TTLL5: variants seen among roughly 807,000 people sequenced by gnomAD.
TTLL5 encodes tubulin polyglutamylase TTLL5.
TTLL5 carries 132 observed loss-of-function variants against 168.4 expected under a neutral mutation model. The observed-to-expected ratio is 0.78, with a 90% confidence interval of 0.68 to 0.91. The LOEUF (loss-of-function observed/expected upper bound fraction) is 0.91. Among genes scored for constraint, TTLL5 ranks in the 40% least tolerant of loss-of-function variants. The pLI is 0.00. For synonymous variants in TTLL5, 546 were observed against 558.6 expected (o/e 0.98, Z 0.32); for missense variants, 1,545 against 1,581.5 (o/e 0.98, Z 0.39).
rs79964116 is a variant in TTLL5 at position 75,788,880 on chromosome 14, A to C, written c.2987-4036A>C. On this transcript the variant is annotated intron_variant, in intron 26 of 31. Transcript: ENST00000298832. The stretch of plus-strand genomic sequence containing the variant: ...AAAATAAAAGCCAATCAACTCTAGC[A>C]ACATCTAAAAGAGGTAGTACACCAT... 7.4e-3 allele frequency among the ~76,000 whole-genome samples: 1,120 copies of C among 152,328 alleles called. 17 individuals are homozygous for C. The highest frequency in any genetic ancestry group is 0.026 in the African/African-American group (1,068 of 41,586).
chr14:75,851,408 T>C (rs1386113251), intron 28 of TTLL5, among the ~76,000 whole-genome samples: 1 of 152,218 alleles, frequency 6.6e-6, no homozygotes, highest in Non-Finnish European at 1.5e-5. Context: ...TGTTTCATTT[T>C]GAAAAGGTGA....
At chr14:75,873,183 C>T (rs950002173) in intron 29 of TTLL5, among the ~76,000 whole-genome samples, 1 of 151,692 alleles carries the variant, frequency 6.6e-6, no homozygotes, top group Non-Finnish European at 1.5e-5. Flanking sequence ...ACGCCATTCT[C>T]CTGCCTCAGC....
At chr14:75,922,461 A>G (rs1423916926) in intron 31 of TTLL5, among the ~76,000 whole-genome samples, 1 of 152,170 alleles carries the variant, frequency 6.6e-6, no homozygotes, top group East Asian at 1.9e-4. Context: ...AATTTTGTCA[A>G]AGGCCTTTTC....
At chr14:75,866,564 A>G (rs753058439) in intron 29 of TTLL5, among the ~76,000 whole-genome samples, 5 of 152,236 alleles carry the variant, frequency 3.3e-5, no homozygotes, top group Non-Finnish European at 7.3e-5. Context: ...CATCTTTCAC[A>G]TAGTAATCTC....
At chr14:75,813,896 A>G (rs998289089) in intron 27 of TTLL5, among the ~76,000 whole-genome samples, 1 of 152,048 alleles carries the variant, frequency 6.6e-6, no homozygotes, top group African/African-American at 2.4e-5. Context: ...TTTGTGACCA[A>G]TAACATGAAT....
At chr14:75,733,687 G>A (rs1213942468) in intron 13 of TTLL5, among the ~76,000 whole-genome samples, 2 of 152,114 alleles carry the variant, frequency 1.3e-5, no homozygotes, top group African/African-American at 4.8e-5. Flanking sequence ...TAATGAAGTG[G>A]TATTCTTGAC....
chr14:75,766,138 T>A lies in TTLL5; in HGVS notation c.1785T>A (p.Asn595Lys), dbSNP rs1160335659. Residue 595 changes from asparagine to lysine, a missense_variant, in exon 20 of 32, where the codon AAT becomes AAA. Transcript: ENST00000298832. Reference protein sequence around the residue: ...SEEEEEVALDNEDEEQEASQE... With the variant: ...SEEEEEVALDKEDEEQEASQE... ...AGGAGGAAGAAGTCGCATTAGATAA[T>A]GAAGATGAAGAACAGGAGGCTTCCC... 1 of 1,614,054 alleles carries A rather than the reference T, an allele frequency of 6.2e-7. No individual in the cohort carries two copies. Among genetic ancestry groups the A allele is most frequent in the South Asian group, 1.1e-5 (1 of 91,078 alleles).
rs777562429 is a variant in TTLL5, at chr14:75,779,739, A to G, written c.2515+37A>G. ...GGTTAATGAACGAAAAATAAGAAGA[A>G]CAAGTGAAGAAATGAGAAATGCAAA... is the stretch of plus-strand genomic sequence containing the variant. On this transcript the variant is annotated intron_variant, in intron 24 of 31. Transcript: ENST00000298832. The G allele has an allele frequency of 2.5e-6, 4 of 1,572,594 alleles. No homozygotes were observed. In the African/African-American group the frequency reaches 4.1e-5, roughly 16 times the overall value.
At chr14:75,754,017 A>G (rs891337022) in intron 18 of TTLL5, among the ~76,000 whole-genome samples, 3 of 152,070 alleles carry the variant, frequency 2.0e-5, no homozygotes, top group Non-Finnish European at 2.9e-5. Context: ...TATAACCTCC[A>G]TATTTCTTTA....
At chr14:75,736,145 G>A (rs777205192) in intron 15 of TTLL5, among the ~76,000 whole-genome samples, 1 of 151,940 alleles carries the variant, frequency 6.6e-6, no homozygotes. Context: ...AAATTGTTCT[G>A]TACTCTCCTG....
chr14:75,874,870 A>G (rs2031333054), intron 29 of TTLL5, among the ~76,000 whole-genome samples: 2 of 151,052 alleles, frequency 1.3e-5, no homozygotes, highest in South Asian at 4.2e-4. Context: ...TCAAAATGGA[A>G]CTATAAGATT....
At chr14:75,740,088 T>C (rs1443772146) in intron 15 of TTLL5, among the ~76,000 whole-genome samples, 2 of 152,208 alleles carry the variant, frequency 1.3e-5, no homozygotes, top group Non-Finnish European at 2.9e-5. Flanking sequence ...TTTGTTGATG[T>C]GTTATATTCT....
intron 17 of TTLL5, among the ~76,000 whole-genome samples, chr14:75,746,923 T>C (rs1371309641): frequency 6.6e-6 from 1 of 152,186 alleles, no homozygotes. Flanking sequence ...TTCATGTTTC[T>C]TGTGCTCGGG....
intron 30 of TTLL5, among the ~76,000 whole-genome samples, chr14:75,883,622 C>T (rs752455684): frequency 2.0e-5 from 3 of 152,238 alleles, no homozygotes; most frequent in Non-Finnish European, 4.4e-5. Flanking sequence ...AATCCTAAAA[C>T]ATAGAAAAAG....
At chr14:75,818,436 A>AT (rs1894605134) in intron 27 of TTLL5, 28 of 375,006 alleles carry the variant, frequency 7.5e-5, no homozygotes, top group East Asian at 2.0e-4. Context: ...TGCTACCACG[A>AT]TTTTTTTTAC....
chr14:75,773,181 A>G (rs1891449338), intron 21 of TTLL5, among the ~76,000 whole-genome samples: 1 of 152,236 alleles, frequency 6.6e-6, no homozygotes, highest in Admixed American at 6.5e-5. Flanking sequence ...TGGAACCCAG[A>G]GATAAAACCT....
rs5809732 is a variant in TTLL5, at chr14:75,846,792, GAAAAAAAAAA to G, written c.3327-16864_3327-16855del. 1.4e-3 allele frequency among the ~76,000 whole-genome samples: 140 copies of G among 99,202 alleles called. 2 individuals carry two copies. Among genetic ancestry groups the G allele is most frequent in the African/African-American group, 5.4e-3 (136 of 25,392 alleles). The allele number at this position is 99,202 out of a possible 152,430, so 65.1% of individuals were successfully genotyped here. A position where few individuals can be genotyped will look rare whatever the true frequency, so the allele number is the denominator to read the frequency against. On this transcript the variant is annotated intron_variant, in intron 28 of 31. Transcript: ENST00000298832. ...GCAACAAGAGTGAAACTCCATCTCA[GAAAAAAAAAA>G]AAAAAAAAAAGAATTACAAGAGATA...
rs1216409991 is a variant in TTLL5, at chr14:75,808,805, A to G, written c.3172-11202A>G. Among the ~76,000 whole-genome samples, 7 of 151,898 alleles carry G rather than the reference A, an allele frequency of 4.6e-5. No individual in the cohort carries two copies. In the East Asian group the frequency reaches 1.2e-3, roughly 25 times the overall value. ...TTTTTTCTTATTTTTTAAAATTTTT[A>G]TATAGAGGTGAGGTCTCACTGTGTT... On this transcript the variant is annotated intron_variant, in intron 27 of 31. Transcript: ENST00000298832.
intron 27 of TTLL5, among the ~76,000 whole-genome samples, chr14:75,802,400 G>C (rs1293627505): frequency 1.3e-5 from 2 of 152,180 alleles, no homozygotes; most frequent in Non-Finnish European, 2.9e-5. Flanking sequence ...GGAGTTAAGA[G>C]ATATTCTACT....
Sources: allele counts gnomAD v4.1 joint callset (sites outside exome capture counted in the v4.1 genomes callset), GRCh38; gene constraint gnomAD v4.1.1; transcripts MANE v1.5; gene names NCBI Gene and HGNC (gene_info 2026-07-23, HGNC 2026-07-21).